SIPA1L1: variants seen among roughly 807,000 people sequenced by gnomAD.
SIPA1L1 encodes the protein signal induced proliferation associated 1 like 1, also known as signal-induced proliferation-associated 1-like protein 1.
Under a neutral mutation model 162.7 loss-of-function variants are expected in SIPA1L1, and 26 were observed. That is an observed-to-expected ratio of 0.16 (90% CI 0.12 to 0.22). The LOEUF (loss-of-function observed/expected upper bound fraction) is 0.22. Ranked by LOEUF, SIPA1L1 falls within the 10% of genes least tolerant of loss-of-function variation. The pLI is 1.00. For missense variants in SIPA1L1, 1,874 were observed against 2,241.0 expected, an observed-to-expected ratio of 0.84 and a Z score of 3.31; for synonymous variants, 829 against 837.4, an observed-to-expected ratio of 0.99 and a Z score of 0.17.
intron 2 of SIPA1L1, among the ~76,000 whole-genome samples, chr14:71,455,970 C>A (rs1261687260): frequency 6.6e-6 from 1 of 152,110 alleles, no homozygotes; most frequent in Non-Finnish European, 1.5e-5. Flanking sequence ...AAAACTCTTT[C>A]ATTTACTATT....
At chr14:71,361,966 T>A (rs1470660722) in intron 2 of SIPA1L1, among the ~76,000 whole-genome samples, 1 of 152,190 alleles carries the variant, frequency 6.6e-6, no homozygotes, top group African/African-American at 2.4e-5. Context: ...GCTAATTTAG[T>A]AGCTTTAGGT....
At chr14:71,714,949 C>A (rs2083154754) in intron 17 of SIPA1L1, among the ~76,000 whole-genome samples, 1 of 152,292 alleles carries the variant, frequency 6.6e-6, no homozygotes, top group South Asian at 2.1e-4. Context: ...TAATTCCATT[C>A]CTCTAGCTAC....
intron 2 of SIPA1L1, among the ~76,000 whole-genome samples, chr14:71,508,007 G>C (rs1170813993): frequency 6.6e-6 from 1 of 152,190 alleles, no homozygotes; most frequent in Non-Finnish European, 1.5e-5. Context: ...GGACGATAGA[G>C]GGTAACCGGC....
At chr14:71,367,303 C>CTT (rs148859626) in intron 2 of SIPA1L1, among the ~76,000 whole-genome samples, 10 of 130,240 alleles carry the variant, frequency 7.7e-5, no homozygotes, top group East Asian at 2.2e-4. Flanking sequence ...ACATTCATTG[C>CTT]TTTTTTTTTT....
chr14:71,394,536 C>A (rs1402120847), intron 2 of SIPA1L1, among the ~76,000 whole-genome samples: 2 of 152,192 alleles, frequency 1.3e-5, no homozygotes, highest in African/African-American at 4.8e-5. Context: ...TCTGTTCAGA[C>A]CTTTTCACCT....
chr14:71,679,891 A>G (rs2045623620), intron 12 of SIPA1L1, among the ~76,000 whole-genome samples: 2 of 152,238 alleles, frequency 1.3e-5, no homozygotes, highest in African/African-American at 2.4e-5. Context: ...AACTATCTTA[A>G]ATATATATGC....
intron 2 of SIPA1L1, among the ~76,000 whole-genome samples, chr14:71,368,236 T>C (rs2038548842): frequency 6.9e-6 from 1 of 145,384 alleles, no homozygotes; most frequent in Non-Finnish European, 1.5e-5. Context: ...TGTATACATG[T>C]GCCATGCTGG....
chr14:71,565,175 G>A (rs1432806920), intron 4 of SIPA1L1, among the ~76,000 whole-genome samples: 3 of 152,076 alleles, frequency 2.0e-5, no homozygotes, highest in African/African-American at 7.2e-5. Context: ...TTATCCTAAT[G>A]TCTTCCATTC....
chr14:71,446,211 T>A (rs2045330405), intron 2 of SIPA1L1, among the ~76,000 whole-genome samples: 1 of 152,148 alleles, frequency 6.6e-6, no homozygotes, highest in Non-Finnish European at 1.5e-5. Flanking sequence ...AAGAAGCTGA[T>A]TTTAGCTAAT....
chr14:71,441,861 A>G (rs1350671645), intron 2 of SIPA1L1, among the ~76,000 whole-genome samples: 4 of 152,126 alleles, frequency 2.6e-5, no homozygotes, highest in African/African-American at 9.7e-5. Context: ...TAAAATAACC[A>G]TGTAGATCAG....
At chr14:71,548,619 G>A (rs1350770463) in intron 4 of SIPA1L1, among the ~76,000 whole-genome samples, 1 of 151,840 alleles carries the variant, frequency 6.6e-6, no homozygotes, top group Non-Finnish European at 1.5e-5. Flanking sequence ...AAATGAGGCC[G>A]GACATGGTGA....
chr14:71,548,474 G>A (rs2055455956), intron 4 of SIPA1L1, among the ~76,000 whole-genome samples: 1 of 152,136 alleles, frequency 6.6e-6, no homozygotes, highest in East Asian at 1.9e-4. Context: ...GCATGGAAAT[G>A]TTACGTGTGC....
At chr14:71,642,961 A>G (rs1311576432) in intron 7 of SIPA1L1, among the ~76,000 whole-genome samples, 2 of 150,990 alleles carry the variant, frequency 1.3e-5, no homozygotes, top group Admixed American at 6.6e-5. Flanking sequence ...AATAGAAACA[A>G]TTGCCAAAAA....
In SIPA1L1 at chr14:71,717,115, G is replaced by A. The variant is rs368761848; in HGVS notation, c.4209-6532G>A. The stretch of plus-strand genomic sequence containing the variant: ...GGGTTTTACCTTGTTGGCCAGGATG[G>A]TCTCAATTTCCTGACCTCATGATCC... On this transcript the variant is annotated intron_variant, in intron 17 of 23. Transcript: ENST00000381232. Among the ~76,000 whole-genome samples the A allele has an allele frequency of 2.0e-5, 3 of 152,290 alleles. No homozygotes were observed. In the South Asian group the frequency reaches 6.2e-4, roughly 32 times the overall value.
chr14:71,722,884 C>T (rs2083872122), intron 17 of SIPA1L1, among the ~76,000 whole-genome samples: 1 of 152,132 alleles, frequency 6.6e-6, no homozygotes, highest in Non-Finnish European at 1.5e-5. Context: ...TACAGGCACA[C>T]ACCACCATGC....
intron 7 of SIPA1L1, among the ~76,000 whole-genome samples, chr14:71,647,122 C>G (rs1162858779): frequency 6.6e-6 from 1 of 152,126 alleles, no homozygotes; most frequent in Non-Finnish European, 1.5e-5. Flanking sequence ...GAGTAGAAAT[C>G]AAGATACAGT....
intron 10 of SIPA1L1, among the ~76,000 whole-genome samples, chr14:71,668,259 TAGG>T (rs2044205587): frequency 6.6e-6 from 1 of 151,896 alleles, no homozygotes; most frequent in Admixed American, 6.6e-5. Context: ...ACCTCAGGAG[TAGG>T]AGGTTTGAAA....
At chr14:71,696,559 C>T (rs1012662665) in intron 13 of SIPA1L1, among the ~76,000 whole-genome samples, 2 of 152,212 alleles carry the variant, frequency 1.3e-5, no homozygotes, top group African/African-American at 4.8e-5. Flanking sequence ...GATCTAGCCC[C>T]ACCATAGTTG....
At chr14:71,671,901 CTGTGTGTGTGTGTGTGTG>C (rs34919280) in intron 11 of SIPA1L1, among the ~76,000 whole-genome samples, 3 of 142,702 alleles carry the variant, frequency 2.1e-5, no homozygotes, top group South Asian at 2.4e-4. Context: ...CACATTTACT[CTGTGTGTGTGTGTGTGTG>C]TGTGTGTGTG....
Sources: gnomAD v4.1 joint callset for allele counts (sites outside exome capture counted in the v4.1 genomes callset) on GRCh38, gnomAD v4.1.1 for gene constraint, MANE v1.5 for transcripts, NCBI Gene and HGNC (gene_info 2026-07-23, HGNC 2026-07-21) for gene names.